The following PSG11 variants were observed in gnomAD, a reference collection of about 807,000 sequenced individuals.
The protein encoded by PSG11 is pregnancy-specific beta-1-glycoprotein 11.
PSG11 carries 42 observed loss-of-function variants against 36.0 expected under a neutral mutation model. The ratio of observed to expected loss-of-function variants is 1.17; its 90% confidence interval spans 0.91 to 1.51. The LOEUF is 1.51. Among genes scored for constraint, PSG11 ranks in the 40% most tolerant of loss-of-function variants. PSG11 has a pLI of 0.00. For synonymous variants in PSG11, 206 were observed against 153.5 expected (o/e 1.34, Z -2.53); for missense variants, 558 against 403.5 (o/e 1.38, Z -3.28).
At chr19:43,014,396 A>G (rs1599670915) in intron 4 of PSG11, 3 of 942,258 alleles carry the variant, frequency 3.2e-6, no homozygotes, top group Non-Finnish European at 3.8e-6. Context: ...GCTGTGTCCC[A>G]CGTGCTGTGC....
intron 4 of PSG11, among the ~76,000 whole-genome samples, chr19:43,012,198 A>T (rs1974094716): frequency 6.6e-6 from 1 of 151,484 alleles, no homozygotes; most frequent in South Asian, 2.1e-4. Context: ...CATCATACTC[A>T]ATGGAGAAAG....
Position 43,021,327 on chromosome 19 carries a change from G to T in PSG11, c.431-2279C>A, listed in dbSNP as rs762606440. ...TCAGCTGTGTGCAGTCTACCAGTAA[G>T]CATCAAAAGAATTCTTCATTTCTCT... On this transcript the variant is annotated intron_variant, in intron 2 of 5. Transcript: ENST00000320078. 2.2e-4 allele frequency among the ~76,000 whole-genome samples: 34 copies of T among 151,160 alleles called. 1 individual carries two copies. Among genetic ancestry groups the T allele is most frequent in the Non-Finnish European group, 4.1e-4 (28 of 67,872 alleles).
chr19:43,023,111 C>G (rs12976854), intron 2 of PSG11, among the ~76,000 whole-genome samples: 69,515 of 149,440 alleles, frequency 0.47, 17,705 homozygotes, highest in East Asian at 0.99. Context: ...CAAGGAGCCC[C>G]GAGAACCCTC....
intron 3 of PSG11, among the ~76,000 whole-genome samples, chr19:43,017,961 C>G (rs1380381707): frequency 6.6e-6 from 1 of 151,172 alleles, no homozygotes; most frequent in Non-Finnish European, 1.5e-5. Flanking sequence ...GTGAAGGGGA[C>G]AGGCAAATGC....
intron 3 of PSG11, chr19:43,017,747 G>C (rs145375265): frequency 6.6e-6 from 1 of 151,436 alleles, no homozygotes; most frequent in Non-Finnish European, 1.5e-5. Flanking sequence ...TGAAAATGAA[G>C]TGTCTTTCCA....
At chr19:43,014,762 G>C in intron 4 of PSG11, 1 of 1,229,880 alleles carries the variant, frequency 8.1e-7, no homozygotes. Context: ...AGAGGTACAA[G>C]AAAACAAAGA....
chr19:43,017,668 G>A (rs1414920283), intron 3 of PSG11: 1 of 151,100 alleles, frequency 6.6e-6, no homozygotes, highest in Non-Finnish European at 1.5e-5. Flanking sequence ...TTCTAGTAGG[G>A]GTTGCATTGA....
chr19:43,010,416 C>T (rs1023716684), intron 4 of PSG11: 2 of 1,530,784 alleles, frequency 1.3e-6, no homozygotes, highest in Admixed American at 3.7e-5. Flanking sequence ...GTCAGATCTC[C>T]ATGGCAGGGA....
chr19:43,021,646 A>T (rs1215233623), intron 2 of PSG11, among the ~76,000 whole-genome samples: 3 of 151,484 alleles, frequency 2.0e-5, no homozygotes, highest in Non-Finnish European at 4.4e-5. Context: ...GTGCCCAGCC[A>T]TCTCAAAGGG....
chr19:43,014,747 A>C (rs1419168289), intron 4 of PSG11: 1 of 1,230,144 alleles, frequency 8.1e-7, no homozygotes, highest in African/African-American at 1.6e-5. Context: ...CTTGTAGTTC[A>C]TGGAAGAGGT....
intron 4 of PSG11, among the ~76,000 whole-genome samples, chr19:43,011,259 A>G (rs566350790): frequency 6.6e-6 from 1 of 151,350 alleles, no homozygotes; most frequent in East Asian, 1.9e-4. Context: ...TCTCATTGCA[A>G]TTTTCAGGTG....
chr19:43,023,119 C>T (rs1967143762), intron 2 of PSG11, among the ~76,000 whole-genome samples: 1 of 150,608 alleles, frequency 6.6e-6, no homozygotes, highest in Non-Finnish European at 1.5e-5. Context: ...CCCGAGAACC[C>T]TCTGGTGGCC....
Position 43,018,880 on chromosome 19 carries a change from CT to C in PSG11, c.598del (p.Arg200GlyfsTer34). Reference protein sequence around the residue: ...THRMQLSETNRTLFLFGVTKY... With the variant: ...THRMQLSETNXTLFLFGVTKY... ...TGTGACACCAAATAGAAAGAGGGTC[CT>C]GTTGGTTTCAGACAGCTGCATCCTA... On this transcript the variant is annotated frameshift_variant, in exon 3 of 6. Coordinates refer to ENST00000320078, the MANE Select transcript of PSG11 (RefSeq NM_002785.3). LOFTEE classifies it high-confidence loss of function. 6.2e-7 allele frequency: 1 copy of C among 1,612,010 alleles called. No individual in the cohort carries two copies. Among genetic ancestry groups the C allele is most frequent in the Non-Finnish European group, 8.5e-7 (1 of 1,179,042 alleles).
At chr19:43,025,223 T>C in intron 1 of PSG11, 167 bp from the exon 2 acceptor site, 1 of 1,189,936 alleles carries the variant, frequency 8.4e-7, no homozygotes, top group Non-Finnish European at 1.2e-6. Flanking sequence ...CATGTGTGTT[T>C]GTGTATGTGT....
rs73557609 is a variant in PSG11, at chr19:43,014,814, C to T, written c.964+302G>A. On this transcript the variant is annotated intron_variant, in intron 4 of 5. Coordinates refer to ENST00000320078, the MANE Select transcript of PSG11 (RefSeq NM_002785.3). ...GAGTTGGTGACAGTGAGAAGCAACTCGATGTTCAGCACTCTCCTTCTTGTC... is the reference window on the plus strand; with the variant it reads ...GAGTTGGTGACAGTGAGAAGCAACTTGATGTTCAGCACTCTCCTTCTTGTC... 12,231 of 1,257,908 alleles carry T rather than the reference C, an allele frequency of 9.7e-3. 1,224 individuals are homozygous for T. The African/African-American group carries it at 0.16, about 16-fold the overall frequency. The allele number at this position is 1,257,908 out of a possible 1,614,324, so 77.9% of individuals were successfully genotyped here. A position where few individuals can be genotyped will look rare whatever the true frequency, so the allele number is the denominator to read the frequency against.
chr19:43,014,777 A>G (rs935325025), intron 4 of PSG11: 20 of 1,219,546 alleles, frequency 1.6e-5, no homozygotes, highest in African/African-American at 1.6e-4. Context: ...CAAAGACGTG[A>G]CAGAAGGGGA....
chr19:43,018,502 A>G (rs2122810743), intron 3 of PSG11: 1 of 775,024 alleles, frequency 1.3e-6, no homozygotes, highest in East Asian at 3.0e-5. Context: ...CGCTGTGTTC[A>G]CTGATCTGGA....
Position 43,012,257 on chromosome 19 carries a change from T to A in PSG11, c.965-2216A>T, listed in dbSNP as rs907300403. Reference sequence around the variant, plus strand: ...CAGGAACAAGACAAGGATGCCTGCTTTTGACACTTTTATTCAACATAGTAT... The same window carrying A: ...CAGGAACAAGACAAGGATGCCTGCTATTGACACTTTTATTCAACATAGTAT... On this transcript the variant is annotated intron_variant, in intron 4 of 5. Coordinates refer to ENST00000320078, the MANE Select transcript of PSG11 (RefSeq NM_002785.3). Among the ~76,000 whole-genome samples the A allele has an allele frequency of 3.2e-4, 48 of 151,398 alleles. 2 individuals are homozygous for A. Among genetic ancestry groups the A allele is most frequent in the South Asian group, 2.1e-4 (1 of 4,774 alleles).
rs577218391 is a variant in PSG11 at position 43,009,446 on chromosome 19, A to C, written c.*40+512T>G. 2.4e-4 allele frequency among the ~76,000 whole-genome samples: 37 copies of C among 151,470 alleles called. 2 individuals are homozygous for C. The highest frequency in any genetic ancestry group is 4.6e-4 in the Non-Finnish European group (31 of 67,884). On this transcript the variant is annotated intron_variant, in intron 5 of 5. Transcript: ENST00000320078. Reference sequence around the variant, plus strand: ...ATGGAGGAATTATACTAGGAAGTAGAGGTAAAGGAAGTGAGAAGGCTTAGT... The same window carrying C: ...ATGGAGGAATTATACTAGGAAGTAGCGGTAAAGGAAGTGAGAAGGCTTAGT...
Sources: allele counts gnomAD v4.1 joint callset (sites outside exome capture counted in the v4.1 genomes callset), GRCh38; gene constraint gnomAD v4.1.1; transcripts MANE v1.5; gene names NCBI Gene and HGNC (gene_info 2026-07-23, HGNC 2026-07-21).